The following ATP2A3 variants were observed in gnomAD, a reference collection of about 807,000 sequenced individuals.
ATP2A3 encodes sarcoplasmic/endoplasmic reticulum calcium ATPase 3.
ATP2A3 carries 61 observed loss-of-function variants against 106.8 expected under a neutral mutation model. That is an observed-to-expected ratio of 0.57 (90% CI 0.46 to 0.71). The LOEUF (loss-of-function observed/expected upper bound fraction) is 0.71, where lower values mean the gene tolerates loss of function less well. Ranked by LOEUF, ATP2A3 falls within the 30% of genes least tolerant of loss-of-function variation. ATP2A3 has a pLI of 0.00. For missense variants in ATP2A3, 1,201 were observed against 1,423.5 expected, an observed-to-expected ratio of 0.84 and a Z score of 2.52; for synonymous variants, 611 against 609.3, an observed-to-expected ratio of 1.00 and a Z score of -0.04.
chr17:3,947,776 C>A lies in ATP2A3; in HGVS notation c.710G>T (p.Ser237Ile). 1.9e-6 allele frequency: 3 copies of A among 1,603,182 alleles called. 1 individual carries two copies. In the South Asian group the frequency reaches 3.3e-5, roughly 18 times the overall value. The change falls in exon 8 of 21, where the codon AGC becomes ATC. Residue 237 changes from serine (S) to isoleucine (I), a missense_variant. Around this residue, in one of 2 missense-constraint regions of ATP2A3, gnomAD observed 935 missense variants for 1,176.7 expected, o/e 0.79. Coordinates refer to ENST00000397041, the MANE Select transcript of ATP2A3 (RefSeq NM_005173.4). This position sits in a 1 kb window ranked among gnomAD's most constrained non-coding sequence, Gnocchi z 7.7. ...CTCGGGCTCGACTGCCGCCATCTGG[C>A]TCCGGATCTTGCCCAGCTCCGTGTG... The part of the protein sequence containing the change: ...GLHTELGKIR[S>I]QMAAVEPERT...
chr17:3,941,167 A>C lies in ATP2A3; in HGVS notation c.1904T>G (p.Ile635Ser). ...CCCAAAGATGCCAAGCCTGCGGCAG[A>C]TGGCCACGGCAGTGCCTTTGTTATC... Reference protein sequence around the residue: ...TGDNKGTAVAICRRLGIFGDT... With the variant: ...TGDNKGTAVASCRRLGIFGDT... The change falls in exon 14 of 21, where the codon ATC becomes AGC. Residue 635 changes from isoleucine (I) to serine (S), a missense_variant. By Grantham distance (142) the Ile-to-Ser change is moderately radical (BLOSUM62 -2). Coordinates refer to ENST00000397041, the MANE Select transcript of ATP2A3 (RefSeq NM_005173.4). 1 of 1,614,178 alleles carries C rather than the reference A, an allele frequency of 6.2e-7. No individual in the cohort carries two copies. Among genetic ancestry groups the C allele is most frequent in the Non-Finnish European group, 8.5e-7 (1 of 1,180,024 alleles).
rs1491308843 is a variant in ATP2A3 at position 3,936,754 on chromosome 17, ACG to A, written c.2322-287_2322-286del. The A allele has an allele frequency of 3.2e-5, 13 of 407,722 alleles. No homozygotes were observed. The highest frequency in any genetic ancestry group is 6.4e-5 in the African/African-American group (3 of 47,184). The allele number at this position is 407,722 out of a possible 1,614,324, so 25.3% of individuals were successfully genotyped here. On this transcript the variant is annotated intron_variant, in intron 15 of 20. Transcript: ENST00000397041. This position sits in a 1 kb window ranked among gnomAD's most constrained non-coding sequence, Gnocchi z 5.4. ...CACACACACACACACACACACACAC[ACG>A]CACACGAAGAGGGCATGCCCAAGAA...
chr17:3,937,267 C>T, intron 15 of ATP2A3, 149 bp downstream of exon 15: 3 of 895,732 alleles, frequency 3.3e-6, no homozygotes, highest in Non-Finnish European at 1.8e-6. Flanking sequence ...CTCCCCTGTC[C>T]ACTCCAAGGT....
chr17:3,928,160 G>C lies in ATP2A3; in HGVS notation c.2980+503C>G, dbSNP rs904420624. 8 of 1,603,568 alleles carry C rather than the reference G, an allele frequency of 5.0e-6. No homozygotes were observed. In the South Asian group the frequency reaches 8.8e-5, roughly 18 times the overall value. ...GCCATCCTGTCCTCTCCACTCCGGG[G>C]TTAAGGCAGACCCAGAGCTGTGAGC... On this transcript the variant is annotated intron_variant, in intron 20 of 20. Transcript: ENST00000397041. The surrounding 1 kb of genome is among the most constrained non-coding windows in gnomAD (Gnocchi z 6.1).
rs1268198885 is a variant in ATP2A3, at chr17:3,953,245, T to C, written c.219+102A>G. 1.1e-5 allele frequency: 15 copies of C among 1,323,528 alleles called. No homozygotes were observed. The highest frequency in any genetic ancestry group is 1.6e-5 in the Non-Finnish European group (15 of 917,382). 82.0% of individuals were successfully genotyped at this position (1,323,528 alleles called of 1,614,324 possible). ...AAGGCCAGGGCGCAGGCCCAGGGTG[T>C]GGAGGACAGGCCCAGGCTCCAGGAC... On this transcript the variant is annotated intron_variant, in intron 3 of 20. Transcript: ENST00000397041. This position sits in a 1 kb window ranked among gnomAD's most constrained non-coding sequence, Gnocchi z 5.1.
chr17:3,935,806 G>C (rs542539088), intron 16 of ATP2A3, among the ~76,000 whole-genome samples: 15 of 152,072 alleles, frequency 9.9e-5, no homozygotes, highest in African/African-American at 3.6e-4. Flanking sequence ...CCAAAGTGCT[G>C]GGGTTACAGG....
intron 1 of ATP2A3, among the ~76,000 whole-genome samples, chr17:3,957,733 C>T (rs566216933): frequency 3.3e-5 from 5 of 152,214 alleles, no homozygotes; most frequent in Non-Finnish European, 5.9e-5. Context: ...TCCCAGGCTG[C>T]GTGTTGGAGG....
rs761044126 is a variant in ATP2A3 at position 3,924,688 on chromosome 17, G to A, written c.*734C>T. The A allele has an allele frequency of 8.1e-5, 35 of 433,746 alleles. No homozygotes were observed. Among genetic ancestry groups the A allele is most frequent in the Non-Finnish European group, 1.4e-4 (30 of 215,240 alleles). The allele number at this position is 433,746 out of a possible 1,614,324, so 26.9% of individuals were successfully genotyped here. A position where few individuals can be genotyped will look rare whatever the true frequency, so the allele number is the denominator to read the frequency against. On this transcript the variant is annotated 3_prime_UTR_variant, in exon 21 of 21. Transcript: ENST00000397041. The surrounding 1 kb of genome is among the most constrained non-coding windows in gnomAD (Gnocchi z 6.4). Reference sequence around the variant, plus strand: ...ACCCTGAGTCCAGGAGGCGCGCGGGGCTGAGGCAGTCCAGCCAGGCTTTCC... The same window carrying A: ...ACCCTGAGTCCAGGAGGCGCGCGGGACTGAGGCAGTCCAGCCAGGCTTTCC...
chr17:3,931,153 A>G (rs2053058069), intron 17 of ATP2A3, among the ~76,000 whole-genome samples: 1 of 151,848 alleles, frequency 6.6e-6, no homozygotes, highest in Admixed American at 6.6e-5. Flanking sequence ...AAAAAAAAAA[A>G]ATTCCATTTA....
rs542242514 is a variant in ATP2A3, at chr17:3,924,841, C to A, written c.*581G>T. ...AGAAGCAGCCTCGAGCTCTCGGGAGCCGACTTTGTGGAAGCAGAGTGGAGT... is the reference window on the plus strand; with the variant it reads ...AGAAGCAGCCTCGAGCTCTCGGGAGACGACTTTGTGGAAGCAGAGTGGAGT... On this transcript the variant is annotated 3_prime_UTR_variant, in exon 21 of 21. Transcript: ENST00000397041. This position sits in a 1 kb window ranked among gnomAD's most constrained non-coding sequence, Gnocchi z 6.4. The A allele has an allele frequency of 2.2e-6, 1 of 456,818 alleles. No homozygotes were observed. Among genetic ancestry groups the A allele is most frequent in the Non-Finnish European group, 4.4e-6 (1 of 227,048 alleles). The allele number at this position is 456,818 out of a possible 1,614,324, so 28.3% of individuals were successfully genotyped here.
rs760360769 is a variant in ATP2A3, at chr17:3,930,387, G to A, written c.2658C>T (p.Ile886=). 3.7e-6 allele frequency: 6 copies of A among 1,613,964 alleles called. No homozygotes were observed. The highest frequency in any genetic ancestry group is 3.3e-5 in the Admixed American group (2 of 60,012). The change falls in exon 18 of 21, where the codon ATC becomes ATT. Residue 886 remains isoleucine, a synonymous_variant. Transcript: ENST00000397041. This position sits in a 1 kb window ranked among gnomAD's most constrained non-coding sequence, Gnocchi z 5.4. Reference sequence around the variant, plus strand: ...AGCGTGACTCGAACACCTCACAGTCGATGCCGGCAAAGAGCGGGTTGTCTT... The same window carrying A: ...AGCGTGACTCGAACACCTCACAGTCAATGCCGGCAAAGAGCGGGTTGTCTT... ...CSEDNPLFAG[I]DCEVFESRFP... is the part of the protein sequence containing the mutation.
At chr17:3,958,807 C>CAT (rs369546717) in intron 1 of ATP2A3, among the ~76,000 whole-genome samples, 10 of 81,622 alleles carry the variant, frequency 1.2e-4, no homozygotes, top group Admixed American at 4.3e-4. Context: ...TATATACACA[C>CAT]ATATATATAT....
intron 3 of ATP2A3, among the ~76,000 whole-genome samples, chr17:3,952,197 G>A (rs1055774484): frequency 6.6e-6 from 1 of 152,116 alleles, no homozygotes; most frequent in Non-Finnish European, 1.5e-5. Flanking sequence ...CAATTCTCAT[G>A]CCTCAGCCTC....
intron 1 of ATP2A3, 81 bp downstream of exon 1, chr17:3,964,092 CG>C: frequency 1.3e-6 from 1 of 752,328 alleles, no homozygotes; most frequent in East Asian, 7.5e-5. Context: ...CGCCCAGAGC[CG>C]GGTGGGGAGG....
chr17:3,960,415 G>A (rs572211435), intron 1 of ATP2A3, among the ~76,000 whole-genome samples: 26 of 152,356 alleles, frequency 1.7e-4, no homozygotes, highest in African/African-American at 5.8e-4. Context: ...CACATGGGCC[G>A]CGTGTGGCCC....
rs549399781 is a variant in ATP2A3, at chr17:3,950,292, G to A, written c.630+219C>T. 3.3e-5 allele frequency among the ~76,000 whole-genome samples: 5 copies of A among 151,254 alleles called. No individual in the cohort carries two copies. The East Asian group carries it at 6.0e-4, about 18-fold the overall frequency. ...CTCTCCTGCCTCAGCCTCCCAAGTT[G>A]CTGGGATTACAGGCACACGCCACCA... On this transcript the variant is annotated intron_variant, in intron 7 of 20. Coordinates refer to ENST00000397041, the MANE Select transcript of ATP2A3 (RefSeq NM_005173.4).
chr17:3,956,896 T>A (rs921427462), intron 1 of ATP2A3, among the ~76,000 whole-genome samples: 2 of 152,254 alleles, frequency 1.3e-5, no homozygotes, highest in African/African-American at 2.4e-5. Context: ...GCTCTGGTCC[T>A]GCCCACACAG....
chr17:3,962,112 C>G (rs993441691), intron 1 of ATP2A3, among the ~76,000 whole-genome samples: 7 of 152,198 alleles, frequency 4.6e-5, no homozygotes, highest in South Asian at 2.1e-4. Flanking sequence ...AGGCTGGAGG[C>G]AAAGCTGAAA....
In ATP2A3 at chr17:3,947,269, C is replaced by A; in HGVS notation, c.1095+122G>T. On this transcript the variant is annotated intron_variant, in intron 8 of 20. Coordinates refer to ENST00000397041, the MANE Select transcript of ATP2A3 (RefSeq NM_005173.4). The surrounding 1 kb of genome is among the most constrained non-coding windows in gnomAD (Gnocchi z 7.7). ...GTGAAAACCTGGACCTGCTCTGGGC[C>A]AAGGGACAGCCCACAGATTCTCTCC... The A allele has an allele frequency of 8.0e-7, 1 of 1,246,254 alleles. No homozygotes were observed. The highest frequency in any genetic ancestry group is 1.1e-6 in the Non-Finnish European group (1 of 874,488). The allele number at this position is 1,246,254 out of a possible 1,614,324, so 77.2% of individuals were successfully genotyped here.
Sources: gnomAD v4.1 joint callset for allele counts (sites outside exome capture counted in the v4.1 genomes callset) on GRCh38, gnomAD v4.1.1 for gene constraint, gnomAD v4.1.1 regional missense constraint, Gnocchi (gnomAD v3.1) non-coding constraint, MANE v1.5 for transcripts, NCBI Gene and HGNC (gene_info 2026-07-23, HGNC 2026-07-21) for gene names.